IMMP2L: variants seen among roughly 807,000 people sequenced by gnomAD.
IMMP2L encodes the protein mitochondrial inner membrane protease subunit 2.
In IMMP2L, 18 loss-of-function variants were observed where a neutral mutation model predicts 19.3. The ratio of observed to expected loss-of-function variants is 0.93; its 90% CI spans 0.64 to 1.38. The LOEUF (loss-of-function observed/expected upper bound fraction) is 1.38, where lower values mean the gene tolerates loss of function less well. Among genes scored for constraint, IMMP2L ranks in the 40% most tolerant of loss-of-function variants. IMMP2L has a pLI of 0.00. For missense variants in IMMP2L, 233 were observed against 218.2 expected (o/e 1.07, Z -0.43); for synonymous variants, 76 against 73.0 (o/e 1.04, Z -0.21).
chr7:111,462,353 G>A (rs1022209005), intron 3 of IMMP2L, among the ~76,000 whole-genome samples: 5 of 151,878 alleles, frequency 3.3e-5, no homozygotes, highest in Non-Finnish European at 7.4e-5. Flanking sequence ...TGTGCCCAAT[G>A]GTTTTCCAAA....
intron 5 of IMMP2L, among the ~76,000 whole-genome samples, chr7:110,854,098 A>C (rs1806509541): frequency 6.6e-6 from 1 of 151,962 alleles, no homozygotes; most frequent in South Asian, 2.1e-4. Context: ...CTTGAAACTA[A>C]TTAGTGTTAA....
chr7:110,815,206 T>C (rs1802387538), intron 5 of IMMP2L, among the ~76,000 whole-genome samples: 1 of 152,160 alleles, frequency 6.6e-6, no homozygotes, highest in South Asian at 2.1e-4. Flanking sequence ...AGGCCTTTTC[T>C]GCATCTATTG....
intron 5 of IMMP2L, among the ~76,000 whole-genome samples, chr7:110,750,082 G>GTT (rs1411894293): frequency 6.6e-6 from 1 of 151,962 alleles, no homozygotes; most frequent in Non-Finnish European, 1.5e-5. Flanking sequence ...GGATTACCTG[G>GTT]TTTAAGTTTC....
chr7:110,985,548 G>C (rs967304657), intron 3 of IMMP2L, among the ~76,000 whole-genome samples: 1 of 152,098 alleles, frequency 6.6e-6, no homozygotes, highest in Admixed American at 6.6e-5. Context: ...AGTTATAGTT[G>C]ATGATATTAC....
At chr7:110,962,084 C>T (rs1242786209) in intron 4 of IMMP2L, among the ~76,000 whole-genome samples, 1 of 151,778 alleles carries the variant, frequency 6.6e-6, no homozygotes, top group Non-Finnish European at 1.5e-5. Flanking sequence ...AATTATACCT[C>T]AATAAATTTT....
At chr7:110,908,500 T>G (rs1312211578) in intron 4 of IMMP2L, among the ~76,000 whole-genome samples, 3 of 152,198 alleles carry the variant, frequency 2.0e-5, no homozygotes, top group African/African-American at 7.2e-5. Flanking sequence ...TTTCTGTGTA[T>G]ACTCTTGCTT....
intron 3 of IMMP2L, among the ~76,000 whole-genome samples, chr7:111,324,432 A>G (rs1396224100): frequency 6.6e-6 from 1 of 152,038 alleles, no homozygotes; most frequent in Non-Finnish European, 1.5e-5. Context: ...ATGCCTAAAA[A>G]GGGAAGTAAA....
intron 5 of IMMP2L, among the ~76,000 whole-genome samples, chr7:110,749,834 C>T (rs1237242447): frequency 6.6e-6 from 1 of 152,068 alleles, no homozygotes; most frequent in African/African-American, 2.4e-5. Flanking sequence ...CACCCTGGCA[C>T]ATGTATACCT....
chr7:111,395,102 C>T (rs1036026629), intron 3 of IMMP2L: 3 of 164,508 alleles, frequency 1.8e-5, no homozygotes, highest in South Asian at 1.8e-4. Context: ...AAACATATAG[C>T]GCAGCAGGAA....
intron 2 of IMMP2L, among the ~76,000 whole-genome samples, chr7:111,494,758 C>A (rs1410344639): frequency 1.3e-5 from 2 of 151,950 alleles, no homozygotes; most frequent in Non-Finnish European, 2.9e-5. Context: ...GAGTAGCAGT[C>A]AACAAATAGG....
At chr7:111,224,412 C>T (rs909534576) in intron 3 of IMMP2L, among the ~76,000 whole-genome samples, 4 of 151,968 alleles carry the variant, frequency 2.6e-5, no homozygotes, top group African/African-American at 9.7e-5. Context: ...AATATAAACA[C>T]CTGCTAATGA....
chr7:111,504,689 T>G (rs1484599361), intron 2 of IMMP2L, among the ~76,000 whole-genome samples: 1 of 152,186 alleles, frequency 6.6e-6, no homozygotes, highest in African/African-American at 2.4e-5. Context: ...CCATCTGATC[T>G]TTGACAAACC....
In IMMP2L at chr7:110,674,183, G is replaced by T. The variant is rs118129670; in HGVS notation, c.409-10462C>A. On this transcript the variant is annotated intron_variant, in intron 5 of 5. Coordinates refer to ENST00000405709, the MANE Select transcript of IMMP2L (RefSeq NM_032549.4). ...GCATGTCCTTCTCCACATGGCAGCAGCAAGGAGAAATGTCAAGCAAAAGGG... is the reference window on the plus strand; with the variant it reads ...GCATGTCCTTCTCCACATGGCAGCATCAAGGAGAAATGTCAAGCAAAAGGG... Among the ~76,000 whole-genome samples, 1,258 of 152,282 alleles carry T rather than the reference G, an allele frequency of 8.3e-3. 11 individuals are homozygous for T. The highest frequency in any genetic ancestry group is 0.017 in the Middle Eastern group (5 of 294).
At chr7:111,198,382 T>C (rs1157243055) in intron 3 of IMMP2L, among the ~76,000 whole-genome samples, 1 of 152,098 alleles carries the variant, frequency 6.6e-6, no homozygotes, top group Non-Finnish European at 1.5e-5. Flanking sequence ...TTTAAGCAAG[T>C]TCTGAGTCTT....
intron 5 of IMMP2L, among the ~76,000 whole-genome samples, chr7:110,774,752 G>C (rs1017117922): frequency 6.6e-6 from 1 of 151,980 alleles, no homozygotes; most frequent in African/African-American, 2.4e-5. Flanking sequence ...TATAGCCTAG[G>C]TGTATAGTAG....
chr7:110,696,511 C>G (rs981235495), intron 5 of IMMP2L, among the ~76,000 whole-genome samples: 1 of 146,136 alleles, frequency 6.8e-6, no homozygotes, highest in Non-Finnish European at 1.5e-5. Flanking sequence ...ACCGCAATCT[C>G]GGCCTCCCAG....
At chr7:111,491,552 C>G (rs1843105041) in intron 2 of IMMP2L, among the ~76,000 whole-genome samples, 1 of 152,098 alleles carries the variant, frequency 6.6e-6, no homozygotes, top group Non-Finnish European at 1.5e-5. Flanking sequence ...ATGTCTCTAT[C>G]TCTAGTGAGG....
Position 110,861,098 on chromosome 7 carries a change from T to TGAGAGAGA in IMMP2L, c.408+25487_408+25494dup, listed in dbSNP as rs5886583. ...GTGTGTGTGTGTGTGTGTGTGTGTG[T>TGAGAGAGA]GAGAGAGAGAGAGAGAGAGAGAGAG... is the stretch of plus-strand genomic sequence containing the variant. On this transcript the variant is annotated intron_variant, in intron 5 of 5. Coordinates refer to ENST00000405709, the MANE Select transcript of IMMP2L (RefSeq NM_032549.4). Among the ~76,000 whole-genome samples, 14 of 141,724 alleles carry TGAGAGAGA rather than the reference T, an allele frequency of 9.9e-5. No individual in the cohort carries two copies. In the East Asian group the frequency reaches 1.9e-3, roughly 19 times the overall value. 93.0% of individuals were successfully genotyped at this position (141,724 alleles called of 152,430 possible).
intron 5 of IMMP2L, among the ~76,000 whole-genome samples, chr7:110,869,567 T>C (rs896314387): frequency 2.0e-5 from 3 of 152,130 alleles, no homozygotes; most frequent in African/African-American, 7.2e-5. Flanking sequence ...CCAGTGTTTC[T>C]TGAGGCATGG....
Sources: gnomAD v4.1 joint callset for allele counts (sites outside exome capture counted in the v4.1 genomes callset) on GRCh38, gnomAD v4.1.1 for gene constraint, MANE v1.5 for transcripts, NCBI Gene and HGNC (gene_info 2026-07-23, HGNC 2026-07-21) for gene names.